Variants in PRKD1 observed in about 807,000 individuals in gnomAD.
PRKD1 encodes serine/threonine-protein kinase D1.
A neutral mutation model predicts 95.9 loss-of-function variants in PRKD1; 63 were observed. The observed-to-expected ratio is 0.66, with a 90% CI of 0.54 to 0.81. The LOEUF is 0.81. PRKD1 is among the 30% of genes least tolerant of loss of function. PRKD1 has a pLI of 0.00. For missense variants in PRKD1, 1,048 were observed against 1,165.3 expected (o/e 0.90, Z 1.47); for synonymous variants, 425 against 423.1 (o/e 1.00, Z -0.05).
At chr14:29,851,722 T>C (rs1171005452) in intron 1 of PRKD1, among the ~76,000 whole-genome samples, 1 of 152,070 alleles carries the variant, frequency 6.6e-6, no homozygotes, top group Non-Finnish European at 1.5e-5. Context: ...CTGAGCAATA[T>C]CATTACTGGA....
At chr14:29,919,186 TA>T (rs2139135017) in intron 1 of PRKD1, among the ~76,000 whole-genome samples, 1 of 152,334 alleles carries the variant, frequency 6.6e-6, no homozygotes, top group South Asian at 2.1e-4. Context: ...TGTGATTGCA[TA>T]TTTTAAAATC....
intron 13 of PRKD1, among the ~76,000 whole-genome samples, chr14:29,602,601 G>A (rs1412847169): frequency 6.6e-6 from 1 of 151,710 alleles, no homozygotes; most frequent in Non-Finnish European, 1.5e-5. Flanking sequence ...GGCTAATTTT[G>A]TATGTTTTGT....
In PRKD1 at chr14:29,909,798, A is replaced by ATT. The variant is rs201561581; in HGVS notation, c.264+17449_264+17450dup. 6.1e-3 allele frequency among the ~76,000 whole-genome samples: 924 copies of ATT among 152,094 alleles called. 4 individuals carry two copies. The highest frequency in any genetic ancestry group is 0.021 in the African/African-American group (876 of 41,464). On this transcript the variant is annotated intron_variant, in intron 1 of 17. Coordinates refer to ENST00000331968, the MANE Select transcript of PRKD1 (RefSeq NM_002742.3). Reference sequence around the variant, plus strand: ...GAGAATCTTTACGTCTAGCTAAAGGATTGTAAACACACCAATCAGCACCCT... The same window carrying ATT: ...GAGAATCTTTACGTCTAGCTAAAGGATTTTGTAAACACACCAATCAGCACCCT...
chr14:29,656,552 G>C (rs1442489976), intron 4 of PRKD1: 1 of 1,510,040 alleles, frequency 6.6e-7, no homozygotes, highest in South Asian at 1.2e-5. Flanking sequence ...AGAATCAAAG[G>C]AGAAAAAGAC....
intron 1 of PRKD1, among the ~76,000 whole-genome samples, chr14:29,848,018 T>C (rs947611440): frequency 3.9e-5 from 6 of 152,154 alleles, no homozygotes; most frequent in African/African-American, 1.4e-4. Flanking sequence ...CTGATGTCTA[T>C]TGAAGGCTTA....
At chr14:29,653,245 G>A (rs1881622053) in intron 4 of PRKD1, among the ~76,000 whole-genome samples, 1 of 152,188 alleles carries the variant, frequency 6.6e-6, no homozygotes, top group Non-Finnish European at 1.5e-5. Context: ...GTCAAATGCA[G>A]AGAAAGCTTT....
chr14:29,925,286 C>A (rs2139147232), intron 1 of PRKD1, among the ~76,000 whole-genome samples: 1 of 152,310 alleles, frequency 6.6e-6, no homozygotes, highest in Middle Eastern at 3.4e-3. Context: ...AACTTCGGTG[C>A]TCTTTCTGCC....
intron 1 of PRKD1, among the ~76,000 whole-genome samples, chr14:29,849,130 T>C (rs766804239): frequency 3.3e-5 from 5 of 152,162 alleles, no homozygotes; most frequent in African/African-American, 7.2e-5. Flanking sequence ...TGGGAAGTGA[T>C]TGGATCATGG....
intron 1 of PRKD1, among the ~76,000 whole-genome samples, chr14:29,839,620 G>A (rs1367624200): frequency 6.6e-6 from 1 of 152,108 alleles, no homozygotes; most frequent in African/African-American, 2.4e-5. Flanking sequence ...TACAGCACTA[G>A]CAGAGGTTCT....
chr14:29,694,683 G>T (rs1209711620), intron 2 of PRKD1, among the ~76,000 whole-genome samples: 1 of 152,142 alleles, frequency 6.6e-6, no homozygotes, highest in African/African-American at 2.4e-5. Context: ...AGCAAGAAGT[G>T]GGGGATGGGA....
intron 1 of PRKD1, among the ~76,000 whole-genome samples, chr14:29,838,100 C>T (rs1387461923): frequency 6.6e-6 from 1 of 152,150 alleles, no homozygotes; most frequent in African/African-American, 2.4e-5. Flanking sequence ...AAGACCTCAG[C>T]ATGCTTTGTG....
chr14:29,897,320 TTTGAG>T (rs1299831713), intron 1 of PRKD1, among the ~76,000 whole-genome samples: 1 of 152,168 alleles, frequency 6.6e-6, no homozygotes, highest in East Asian at 1.9e-4. Context: ...TTGTAAGATA[TTTGAG>T]TTGTTTGCTA....
At chr14:29,893,606 AC>A (rs2139417091) in intron 1 of PRKD1, among the ~76,000 whole-genome samples, 1 of 152,336 alleles carries the variant, frequency 6.6e-6, no homozygotes, top group East Asian at 1.9e-4. Flanking sequence ...ATATATAAAC[AC>A]TTTCAACTTT....
At chr14:29,688,948 C>CAAAAAAAAAAAAAAAAAAAAAAAAAAA (rs377212196) in intron 2 of PRKD1, among the ~76,000 whole-genome samples, 1 of 32,486 alleles carries the variant, frequency 3.1e-5, no homozygotes, top group Admixed American at 4.1e-4. Flanking sequence ...GACTCCGTCT[C>CAAAAAAAAAAAAAAAAAAAAAAAAAAA]AAAAAAAAAA....
At chr14:29,787,149 C>T (rs1415060287) in intron 1 of PRKD1, among the ~76,000 whole-genome samples, 1 of 143,600 alleles carries the variant, frequency 7.0e-6, no homozygotes, top group Non-Finnish European at 1.5e-5. Context: ...CAAAGTGCCT[C>T]TTGGTATTGA....
chr14:29,701,497 A>C (rs1884840656), intron 2 of PRKD1, among the ~76,000 whole-genome samples: 2 of 152,212 alleles, frequency 1.3e-5, no homozygotes, highest in African/African-American at 4.8e-5. Flanking sequence ...CACAACGAAT[A>C]TCTTTTCCTC....
intron 1 of PRKD1, among the ~76,000 whole-genome samples, chr14:29,773,400 C>T (rs564382562): frequency 2.6e-4 from 38 of 145,312 alleles, no homozygotes; most frequent in Non-Finnish European, 5.3e-4. Context: ...GTAGAGGTTG[C>T]AGTGAGCTGA....
intron 1 of PRKD1, among the ~76,000 whole-genome samples, chr14:29,855,326 G>A (rs1296968695): frequency 6.6e-6 from 1 of 152,220 alleles, no homozygotes; most frequent in African/African-American, 2.4e-5. Flanking sequence ...ATATCAGCAT[G>A]ACCTGGATAT....
At chr14:29,672,339 TC>T (rs1401629170) in intron 2 of PRKD1, among the ~76,000 whole-genome samples, 1 of 146,298 alleles carries the variant, frequency 6.8e-6, no homozygotes, top group African/African-American at 2.6e-5. Flanking sequence ...AGACTCTGTC[TC>T]AAAAAAAAAA....
Sources: gnomAD v4.1 joint callset for allele counts (sites outside exome capture counted in the v4.1 genomes callset) on GRCh38, gnomAD v4.1.1 for gene constraint, MANE v1.5 for transcripts, NCBI Gene and HGNC (gene_info 2026-07-23, HGNC 2026-07-21) for gene names.